ZNF592: variants seen among roughly 807,000 people sequenced by gnomAD.
ZNF592 encodes the protein spinocerebellar ataxia, autosomal recessive 5.
In ZNF592, 11 loss-of-function variants were observed where a neutral mutation model predicts 80.3. That is an observed-to-expected ratio of 0.14 (90% CI 0.09 to 0.23). ZNF592 has a LOEUF of 0.23. Among genes scored for constraint, ZNF592 ranks in the 10% least tolerant of loss-of-function variants. The pLI, the probability that ZNF592 is intolerant of heterozygous loss-of-function variation, is 1.00. For missense variants in ZNF592, 1,420 were observed against 1,633.9 expected (o/e 0.87, Z 2.26); for synonymous variants, 646 against 640.3 (o/e 1.01, Z -0.13).
At chr15:84,770,217 T>C (rs1899659500) in intron 2 of ZNF592, among the ~76,000 whole-genome samples, 2 of 152,130 alleles carry the variant, frequency 1.3e-5, no homozygotes, top group African/African-American at 4.8e-5. Flanking sequence ...CGGAAGGCTG[T>C]AGGAGGAAAT....
rs371106265 is a variant in ZNF592, at chr15:84,750,081, C to T, written c.-259+1417C>T. On this transcript the variant is annotated intron_variant, in intron 1 of 10. Transcript: ENST00000560079. ...CTTTGGGAGGCCGAGGCGGGTGGAT[C>T]GCCTGAGATCAGGAGTTCGAGACCA... Among the ~76,000 whole-genome samples, 84 of 152,320 alleles carry T rather than the reference C, an allele frequency of 5.5e-4. No individual in the cohort carries two copies. The South Asian group carries it at 0.014, about 25-fold the overall frequency.
chr15:84,778,310 C>T lies in ZNF592; in HGVS notation c.-22C>T. 3.8e-6 allele frequency: 1 copy of T among 265,838 alleles called. No individual in the cohort carries two copies. The highest frequency in any genetic ancestry group is 7.5e-6 in the Non-Finnish European group (1 of 133,742). The allele number at this position is 265,838 out of a possible 1,614,324, so 16.5% of individuals were successfully genotyped here. A position where few individuals can be genotyped will look rare whatever the true frequency, so the allele number is the denominator to read the frequency against. ...GTCCCTACCTGCCACGGATACCAGT[C>T]AGGTACACATGCAGAGGCTGGAGGA... On this transcript the variant is annotated splice_region_variant and 5_prime_UTR_variant, in exon 3 of 11. Transcript: ENST00000560079.
chr15:84,768,506 G>A (rs1470916101), intron 2 of ZNF592, among the ~76,000 whole-genome samples: 2 of 152,006 alleles, frequency 1.3e-5, no homozygotes, highest in African/African-American at 4.8e-5. Flanking sequence ...CCAAAGTGCT[G>A]GGATTACAGG....
chr15:84,784,208 C>A lies in ZNF592; in HGVS notation c.1533C>A (p.Val511=), dbSNP rs1489391441. 1 of 1,614,214 alleles carries A rather than the reference C, an allele frequency of 6.2e-7. No homozygotes were observed. Among genetic ancestry groups the A allele is most frequent in the Non-Finnish European group, 8.5e-7 (1 of 1,180,038 alleles). Residue 511 remains valine, a synonymous_variant, in exon 4 of 11, where the codon GTC becomes GTA. Transcript: ENST00000560079. This position sits in a 1 kb window ranked among gnomAD's most constrained non-coding sequence, Gnocchi z 5.8. The part of the protein sequence containing the change: ...KAVHLANLNL[V]PHSVAASVTA... ...TGCACTTGGCCAACCTGAACCTCGTCCCCCACAGTGTTGCTGCATCAGTGA... is the reference window on the plus strand; with the variant it reads ...TGCACTTGGCCAACCTGAACCTCGTACCCCACAGTGTTGCTGCATCAGTGA...
At chr15:84,780,011 G>T (rs1424251442) in intron 3 of ZNF592, among the ~76,000 whole-genome samples, 4 of 139,840 alleles carry the variant, frequency 2.9e-5, no homozygotes, top group African/African-American at 8.0e-5. Context: ...TTTTGAGTTG[G>T]AGTCTTGGTC....
chr15:84,755,648 T>C (rs1899148516), intron 1 of ZNF592, among the ~76,000 whole-genome samples: 1 of 152,210 alleles, frequency 6.6e-6, no homozygotes, highest in South Asian at 2.1e-4. Context: ...TCCTATCATT[T>C]GAATTTTATA....
intron 10 of ZNF592, among the ~76,000 whole-genome samples, chr15:84,800,515 A>G (rs774821830): frequency 5.3e-5 from 8 of 152,044 alleles, no homozygotes; most frequent in Non-Finnish European, 1.2e-4. Flanking sequence ...GCCTCTCTCC[A>G]TACCATGGTA....
chr15:84,778,288 C>T lies in ZNF592; in HGVS notation c.-44C>T. On this transcript the variant is annotated 5_prime_UTR_variant, in exon 3 of 11. Transcript: ENST00000560079. ...GGCTCCAAAGCCGAAAGAGGAGGTC[C>T]CTACCTGCCACGGATACCAGTCAGG... 1 of 280,930 alleles carries T rather than the reference C, an allele frequency of 3.6e-6. No individual in the cohort carries two copies. The highest frequency in any genetic ancestry group is 3.1e-5 in the South Asian group (1 of 32,100). 17.4% of individuals were successfully genotyped at this position (280,930 alleles called of 1,614,324 possible).
chr15:84,799,040 T>G lies in ZNF592; in HGVS notation c.3025-58T>G, dbSNP rs1963015865. 8 of 1,607,222 alleles carry G rather than the reference T, an allele frequency of 5.0e-6. 1 individual carries two copies. The highest frequency in any genetic ancestry group is 6.0e-6 in the Non-Finnish European group (7 of 1,173,810). ...TGCCCATGGCATCTGAGAAGAAAAA[T>G]GCACCCAGAACTATCTTACAGTTCT... is the stretch of plus-strand genomic sequence containing the variant. On this transcript the variant is annotated intron_variant, in intron 8 of 10. Coordinates refer to ENST00000560079, the MANE Select transcript of ZNF592 (RefSeq NM_014630.3). This position sits in a 1 kb window ranked among gnomAD's most constrained non-coding sequence, Gnocchi z 4.2.
chr15:84,759,415 TG>T (rs1441278329), intron 1 of ZNF592, among the ~76,000 whole-genome samples: 1 of 152,118 alleles, frequency 6.6e-6, no homozygotes, highest in Non-Finnish European at 1.5e-5. Flanking sequence ...TGAAGTATTC[TG>T]ATCTTTCATT....
At chr15:84,800,364 C>T (rs1264851324) in intron 10 of ZNF592, among the ~76,000 whole-genome samples, 1 of 152,180 alleles carries the variant, frequency 6.6e-6, no homozygotes, top group Non-Finnish European at 1.5e-5. Flanking sequence ...ACTCACCCCC[C>T]AACCTTCTCA....
chr15:84,796,221 CAAA>C (rs753718341), intron 5 of ZNF592, among the ~76,000 whole-genome samples: 568 of 25,430 alleles, frequency 0.022, 22 homozygotes, highest in East Asian at 0.068. Flanking sequence ...GACTCTGTCT[CAAA>C]AAAAAAAAAA....
At chr15:84,781,947 C>A (rs1962432635) in intron 3 of ZNF592, among the ~76,000 whole-genome samples, 4 of 152,176 alleles carry the variant, frequency 2.6e-5, no homozygotes, top group Non-Finnish European at 5.9e-5. Context: ...TTTAGGCTTC[C>A]CCCAAACTGT....
intron 4 of ZNF592, among the ~76,000 whole-genome samples, chr15:84,786,167 G>T (rs1203268648): frequency 6.6e-6 from 1 of 152,268 alleles, no homozygotes; most frequent in East Asian, 1.9e-4. Context: ...TGCCAACCAG[G>T]GGATGCCGGC....
At chr15:84,790,091 A>G (rs1019436344) in intron 4 of ZNF592, among the ~76,000 whole-genome samples, 1 of 22,058 alleles carries the variant, frequency 4.5e-5, no homozygotes. Context: ...CACCCATCCC[A>G]CCCCCCAACC....
chr15:84,801,788 TG>T lies in ZNF592; in HGVS notation c.3274-72del. On this transcript the variant is annotated intron_variant, in intron 10 of 10. Coordinates refer to ENST00000560079, the MANE Select transcript of ZNF592 (RefSeq NM_014630.3). Reference sequence around the variant, plus strand: ...CTGGGTGGTGCTTTCTTTGAGTCCTTGGGCTCATGGTTATGTCTAGGGGCTC... The same window carrying T: ...CTGGGTGGTGCTTTCTTTGAGTCCTTGGCTCATGGTTATGTCTAGGGGCTC... 2.5e-6 allele frequency: 4 copies of T among 1,611,116 alleles called. No individual in the cohort carries two copies. In the South Asian group the frequency reaches 4.4e-5, roughly 18 times the overall value.
At chr15:84,771,824 A>T (rs1325746880) in intron 2 of ZNF592, among the ~76,000 whole-genome samples, 2 of 152,104 alleles carry the variant, frequency 1.3e-5, no homozygotes, top group Non-Finnish European at 1.5e-5. Flanking sequence ...ACTTGGAGTG[A>T]TATAGACCTA....
rs540525780 is a variant in ZNF592, at chr15:84,803,483, G to T, written c.*1090G>T. ...GAAACCGGGAGCCCTGTACTACTTA[G>T]TTCTCTAGAGACCTTCTGAAGGGGT... On this transcript the variant is annotated 3_prime_UTR_variant, in exon 11 of 11. Transcript: ENST00000560079. 6.6e-6 allele frequency: 1 copy of T among 152,558 alleles called. No homozygotes were observed. Among genetic ancestry groups the T allele is most frequent in the Non-Finnish European group, 1.5e-5 (1 of 68,048 alleles). The allele number at this position is 152,558 out of a possible 1,614,324, so 9.5% of individuals were successfully genotyped here. A position where few individuals can be genotyped will look rare whatever the true frequency, so the allele number is the denominator to read the frequency against.
In ZNF592 at chr15:84,799,306, T is replaced by A; in HGVS notation, c.3137+96T>A. The stretch of plus-strand genomic sequence containing the variant: ...TTTCTGTGCTGCAAGATCAGGTGTC[T>A]AAGACAAGAGACAAGTGATTTCCAA... On this transcript the variant is annotated intron_variant, in intron 9 of 10. Coordinates refer to ENST00000560079, the MANE Select transcript of ZNF592 (RefSeq NM_014630.3). This position sits in a 1 kb window ranked among gnomAD's most constrained non-coding sequence, Gnocchi z 4.2. 1 of 1,258,164 alleles carries A rather than the reference T, an allele frequency of 7.9e-7. No homozygotes were observed. The highest frequency in any genetic ancestry group is 1.2e-6 in the Non-Finnish European group (1 of 859,252). The allele number at this position is 1,258,164 out of a possible 1,614,324, so 77.9% of individuals were successfully genotyped here. A position where few individuals can be genotyped will look rare whatever the true frequency, so the allele number is the denominator to read the frequency against.
Sources: allele counts gnomAD v4.1 joint callset (sites outside exome capture counted in the v4.1 genomes callset), GRCh38; gene constraint gnomAD v4.1.1; non-coding constraint Gnocchi (gnomAD v3.1); transcripts MANE v1.5; gene names NCBI Gene and HGNC (gene_info 2026-07-23, HGNC 2026-07-21).